The following KAZN variants were observed in gnomAD, a reference collection of about 807,000 sequenced individuals.
KAZN encodes the protein kazrin, periplakin interacting protein, also known as kazrin.
In KAZN, 40 loss-of-function variants were observed where a neutral mutation model predicts 87.4. The observed-to-expected ratio is 0.46, with a 90% CI of 0.36 to 0.60. KAZN has a LOEUF of 0.60. Ranked by LOEUF, KAZN falls within the 20% of genes least tolerant of loss-of-function variation. KAZN has a pLI of 0.00. For missense variants in KAZN, 898 were observed against 1,073.9 expected (o/e 0.84, Z 2.29); for synonymous variants, 466 against 458.3 (o/e 1.02, Z -0.22).
rs181472022 is a variant in KAZN, at chr1:14,736,144, T to C, written c.226+136921T>C. Among the ~76,000 whole-genome samples, 41 of 152,264 alleles carry C rather than the reference T, an allele frequency of 2.7e-4. 1 individual carries two copies. Among genetic ancestry groups the C allele is most frequent in the Admixed American group, 7.8e-4 (12 of 15,296 alleles). ...GAGAGAAGAAAAGGAGTGTGTTTCC[T>C]GTACATCTGTATTCTCAAACTTCCA... On this transcript the variant is annotated intron_variant, in intron 1 of 14. Transcript: ENST00000376030.
At chr1:15,076,347 T>C (rs1164412355) in intron 8 of KAZN, among the ~76,000 whole-genome samples, 2 of 152,194 alleles carry the variant, frequency 1.3e-5, no homozygotes, top group African/African-American at 4.8e-5. Context: ...TTGATCGGCC[T>C]CCTACAGGGA....
chr1:14,205,971 T>C (rs1388812181), intron 2 of KAZN, among the ~76,000 whole-genome samples: 1 of 149,036 alleles, frequency 6.7e-6, no homozygotes, highest in African/African-American at 2.5e-5. Context: ...TGTATACATA[T>C]GTAAGAAGCC....
chr1:14,235,878 G>A (rs559525808), intron 2 of KAZN, among the ~76,000 whole-genome samples: 4 of 152,188 alleles, frequency 2.6e-5, no homozygotes, highest in South Asian at 2.1e-4. Context: ...AACTCTCCAC[G>A]GTCTTGTACA....
intron 1 of KAZN, among the ~76,000 whole-genome samples, chr1:14,834,818 TA>T (rs1647173657): frequency 6.6e-6 from 1 of 152,094 alleles, no homozygotes; most frequent in African/African-American, 2.4e-5. Flanking sequence ...TTATTAGTAT[TA>T]GTATTAGTAT....
intron 2 of KAZN, among the ~76,000 whole-genome samples, chr1:14,460,637 T>G (rs1159042924): frequency 6.6e-6 from 1 of 152,200 alleles, no homozygotes; most frequent in Non-Finnish European, 1.5e-5. Context: ...TTTAAGTCAC[T>G]GTCTGGGATA....
chr1:14,215,995 C>T (rs1348486793), intron 2 of KAZN, among the ~76,000 whole-genome samples: 8 of 152,092 alleles, frequency 5.3e-5, no homozygotes, highest in Non-Finnish European at 1.0e-4. Context: ...ATATAAATAT[C>T]TTGGAATATT....
rs909790831 is a variant in KAZN, at chr1:14,848,558, C to T, written c.227-112126C>T. Among the ~76,000 whole-genome samples, 21 of 152,214 alleles carry T rather than the reference C, an allele frequency of 1.4e-4. 1 individual carries two copies. Among genetic ancestry groups the T allele is most frequent in the Admixed American group, 1.3e-3 (20 of 15,280 alleles). The stretch of plus-strand genomic sequence containing the variant: ...AAAGCAACAGCTCCCTCTGTAAGCA[C>T]GAGCGTGTGGGGTGCAAGGAGCCTT... On this transcript the variant is annotated intron_variant, in intron 1 of 14. Coordinates refer to ENST00000376030, the MANE Select transcript of KAZN (RefSeq NM_201628.3).
chr1:14,675,116 G>A lies in KAZN; in HGVS notation c.226+75893G>A, dbSNP rs185617330. Reference sequence around the variant, plus strand: ...TATTTAGATGTGACTACACTGTTTGGTGTGGCACATTGGGGCAGCTGGTTT... The same window carrying A: ...TATTTAGATGTGACTACACTGTTTGATGTGGCACATTGGGGCAGCTGGTTT... On this transcript the variant is annotated intron_variant, in intron 1 of 14. Transcript: ENST00000376030. 2.0e-5 allele frequency among the ~76,000 whole-genome samples: 3 copies of A among 152,318 alleles called. No homozygotes were observed. The East Asian group carries it at 5.8e-4, about 29-fold the overall frequency.
At chr1:15,019,480 C>G (rs1448575993) in intron 2 of KAZN, among the ~76,000 whole-genome samples, 2 of 152,196 alleles carry the variant, frequency 1.3e-5, no homozygotes, top group African/African-American at 4.8e-5. Context: ...CCTGTGTCCC[C>G]CTGGTTCAAG....
In KAZN at chr1:15,094,131, GC is replaced by G. The variant is rs761389765; in HGVS notation, c.1223-44del. 5 of 1,564,528 alleles carry G rather than the reference GC, an allele frequency of 3.2e-6. No individual in the cohort carries two copies. Among genetic ancestry groups the G allele is most frequent in the Non-Finnish European group, 4.4e-6 (5 of 1,145,654 alleles). On this transcript the variant is annotated intron_variant, in intron 8 of 14. Transcript: ENST00000376030. The surrounding 1 kb of genome is among the most constrained non-coding windows in gnomAD (Gnocchi z 4.5). ...CGGGGGTATGGCCTGCCCAGCCCCTGCCCCCAGCAGCCTCGTCCCCCAGCAT... is the reference window on the plus strand; with the variant it reads ...CGGGGGTATGGCCTGCCCAGCCCCTGCCCCAGCAGCCTCGTCCCCCAGCAT...
At chr1:14,474,968 ATAGATGGATGAATGGGTGGATGAATGG>A (rs962114311) in intron 2 of KAZN, among the ~76,000 whole-genome samples, 16 of 152,186 alleles carry the variant, frequency 1.1e-4, no homozygotes, top group Admixed American at 8.5e-4. Context: ...GGATGGATGG[ATAGATGGATGAATGGGTGGATGAATGG>A]TAGATGGATA....
chr1:14,034,464 C>T (rs1448569892), intron 1 of KAZN, among the ~76,000 whole-genome samples: 4 of 152,172 alleles, frequency 2.6e-5, no homozygotes, highest in Non-Finnish European at 2.9e-5. Context: ...TATATGCACA[C>T]AGTATATATT....
chr1:14,117,369 G>A (rs897656935), intron 1 of KAZN, among the ~76,000 whole-genome samples: 1 of 152,124 alleles, frequency 6.6e-6, no homozygotes, highest in African/African-American at 2.4e-5. Context: ...TTTAAAAAGG[G>A]GAATTTCCCT....
chr1:14,615,208 C>T (rs997138003), intron 1 of KAZN, among the ~76,000 whole-genome samples: 4 of 152,150 alleles, frequency 2.6e-5, no homozygotes, highest in South Asian at 2.1e-4. Flanking sequence ...CCAGGATACC[C>T]GGACAAGTAA....
chr1:14,905,052 T>G (rs888702609), intron 1 of KAZN, among the ~76,000 whole-genome samples: 1 of 152,110 alleles, frequency 6.6e-6, no homozygotes, highest in Non-Finnish European at 1.5e-5. Context: ...TGAGCCACCA[T>G]GCCCAGCCTT....
At chr1:15,003,619 G>A (rs1255747064) in intron 2 of KAZN, among the ~76,000 whole-genome samples, 4 of 152,160 alleles carry the variant, frequency 2.6e-5, no homozygotes, top group Non-Finnish European at 5.9e-5. Flanking sequence ...GCACCCCTGT[G>A]ACTGTTTTTC....
At chr1:14,143,394 A>T (rs1014886738) in intron 1 of KAZN, among the ~76,000 whole-genome samples, 1 of 151,960 alleles carries the variant, frequency 6.6e-6, no homozygotes, top group Admixed American at 6.5e-5. Flanking sequence ...TCGTGTATGT[A>T]CCGCCCTATT....
chr1:14,939,130 A>C (rs1009550737), intron 1 of KAZN, among the ~76,000 whole-genome samples: 1 of 151,292 alleles, frequency 6.6e-6, no homozygotes, highest in Non-Finnish European at 1.5e-5. Flanking sequence ...CCACCACCAC[A>C]CCAGGCTAAT....
chr1:13,934,588 C>T (rs943199881), intron 1 of KAZN, among the ~76,000 whole-genome samples: 1 of 152,196 alleles, frequency 6.6e-6, no homozygotes, highest in African/African-American at 2.4e-5. Flanking sequence ...TCCCCTCATG[C>T]TGGAATCTCA....
Sources: gnomAD v4.1 joint callset for allele counts (sites outside exome capture counted in the v4.1 genomes callset) on GRCh38, gnomAD v4.1.1 for gene constraint, Gnocchi (gnomAD v3.1) non-coding constraint, MANE v1.5 for transcripts, NCBI Gene and HGNC (gene_info 2026-07-23, HGNC 2026-07-21) for gene names.